FGF3: variants seen among roughly 807,000 people sequenced by gnomAD.
The protein encoded by FGF3 is fibroblast growth factor 3.
FGF3 carries 7 observed loss-of-function variants against 9.8 expected under a neutral mutation model. The observed-to-expected ratio is 0.72, with a 90% confidence interval of 0.41 to 1.35. FGF3 has a LOEUF of 1.35. FGF3 is among the 40% of genes most tolerant of loss of function. FGF3 has a pLI of 0.01. For missense variants in FGF3, 390 were observed against 345.6 expected (o/e 1.13, Z -1.02); for synonymous variants, 173 against 157.2 (o/e 1.10, Z -0.75).
chr11:69,813,290 G>A (rs1554980625), intron 2 of FGF3, among the ~76,000 whole-genome samples: 1 of 152,148 alleles, frequency 6.6e-6, no homozygotes, highest in Non-Finnish European at 1.5e-5. Context: ...GAGAGTTGAG[G>A]GGGCTTCCGG....
At position 69,814,258 on chromosome 11, in the gene FGF3, C is replaced by A. The variant is rs115500553; in HGVS notation, c.324+2062G>T. Among the ~76,000 whole-genome samples the A allele has an allele frequency of 5.9e-3, 896 of 151,906 alleles. 6 individuals carry two copies. The highest frequency in any genetic ancestry group is 0.021 in the African/African-American group (850 of 41,372). ...TTAAGGCGTGCTCTCAGGGATGAGGCAGAGGGAGGTGAGGTGTGTGGGCTG... is the reference window on the plus strand; with the variant it reads ...TTAAGGCGTGCTCTCAGGGATGAGGAAGAGGGAGGTGAGGTGTGTGGGCTG... On this transcript the variant is annotated intron_variant, in intron 2 of 2. Coordinates refer to ENST00000334134, the MANE Select transcript of FGF3 (RefSeq NM_005247.4).
chr11:69,815,399 C>A (rs1274652811), intron 2 of FGF3, among the ~76,000 whole-genome samples: 1 of 152,046 alleles, frequency 6.6e-6, no homozygotes, highest in African/African-American at 2.4e-5. Context: ...AGCCTCTGGA[C>A]CAGAGAAAAT....
At chr11:69,817,024 A>G (rs1195460942) in intron 1 of FGF3, among the ~76,000 whole-genome samples, 3 of 152,220 alleles carry the variant, frequency 2.0e-5, no homozygotes, top group Non-Finnish European at 4.4e-5. Context: ...CTGGAAGGGC[A>G]GGAAGCCAGT....
intron 1 of FGF3, among the ~76,000 whole-genome samples, chr11:69,817,934 T>C (rs528812477): frequency 1.2e-3 from 177 of 152,240 alleles, no homozygotes; most frequent in African/African-American, 4.2e-3. Context: ...GGGCCGCGGG[T>C]CCTGCGTGCG....
Position 69,810,620 on chromosome 11 carries a change from C to T in FGF3, c.405G>A (p.Arg135=), listed in dbSNP as rs1554980370. ...GGGCCCCAGGCGTACTAGACACCGTCCGGTACAGCCGGGAGGCATACGTAT... is the reference window on the plus strand; with the variant it reads ...GGGCCCCAGGCGTACTAGACACCGTTCGGTACAGCCGGGAGGCATACGTAT... ...GYNTYASRLY[R]TVSSTPGARR... Residue 135 remains arginine (R), a synonymous_variant, in exon 3 of 3, where the codon CGG becomes CGA. Coordinates refer to ENST00000334134, the MANE Select transcript of FGF3 (RefSeq NM_005247.4). 3.7e-6 allele frequency: 6 copies of T among 1,606,158 alleles called. No individual in the cohort carries two copies. The Admixed American group carries it at 1.0e-4, about 27-fold the overall frequency.
Position 69,810,334 on chromosome 11 carries a change from C to T in FGF3, c.691G>A (p.Gly231Ser). ...TGCGCACTGGCCTCCAGCTGGGAGC[C>T]CAGTCTCGAAGCCTGAACGTGAGAG... Reference protein sequence around the residue: ...EPSHVQASRLGSQLEASAH With the variant: ...EPSHVQASRLSSQLEASAH Residue 231 changes from glycine (G) to serine (S), a missense_variant, in exon 3 of 3, where the codon GGC (glycine) becomes AGC (serine). By Grantham distance (56) the Gly-to-Ser change is moderately conservative. Coordinates refer to ENST00000334134, the MANE Select transcript of FGF3 (RefSeq NM_005247.4). 1 of 1,568,534 alleles carries T rather than the reference C, an allele frequency of 6.4e-7. No individual in the cohort carries two copies. Among genetic ancestry groups the T allele is most frequent in the Non-Finnish European group, 8.7e-7 (1 of 1,151,752 alleles).
chr11:69,817,263 G>A lies in FGF3; in HGVS notation c.221-840C>T, dbSNP rs181817070. 5.3e-5 allele frequency among the ~76,000 whole-genome samples: 8 copies of A among 152,340 alleles called. No individual in the cohort carries two copies. In the South Asian group the frequency reaches 6.2e-4, roughly 12 times the overall value. ...ACCCTCTCCAAGGCATGCCTCTCAG[G>A]AGCGCCCTCCTGGCACGCGGTCCGA... On this transcript the variant is annotated intron_variant, in intron 1 of 2. Transcript: ENST00000334134.
At position 69,810,142 on chromosome 11, in the gene FGF3, G is replaced by T; in HGVS notation, c.*163C>A. ...CAGCCCCCTCCGAGCTCCGACTTGG[G>T]CCCTCTTCAGTTCCCACTGGACCCT... On this transcript the variant is annotated 3_prime_UTR_variant, in exon 3 of 3. Transcript: ENST00000334134. 1 of 675,886 alleles carries T rather than the reference G, an allele frequency of 1.5e-6. No individual in the cohort carries two copies. The highest frequency in any genetic ancestry group is 2.4e-6 in the Non-Finnish European group (1 of 422,538). 41.9% of individuals were successfully genotyped at this position (675,886 alleles called of 1,614,324 possible). A position where few individuals can be genotyped will look rare whatever the true frequency, so the allele number is the denominator to read the frequency against.
intron 1 of FGF3, among the ~76,000 whole-genome samples, chr11:69,817,850 C>A (rs1479193299): frequency 6.6e-6 from 1 of 152,194 alleles, no homozygotes; most frequent in Non-Finnish European, 1.5e-5. Flanking sequence ...AAGGGCTCGG[C>A]GCGGGCCTCA....
In FGF3 at chr11:69,816,415, C is replaced by G; in HGVS notation, c.229G>C (p.Glu77Gln). Reference sequence around the variant, plus strand: ...ATGCCCACCTCCACTGCCGTTATCTCCAAAATACCTAGAAGAAATGAGAGG... The same window carrying G: ...ATGCCCACCTCCACTGCCGTTATCTGCAAAATACCTAGAAGAAATGAGAGG... ...SLENSAYSILEITAVEVGIVA... is the reference protein window; with the variant it reads ...SLENSAYSILQITAVEVGIVA... The change falls in exon 2 of 3, where the codon GAG becomes CAG. Residue 77 changes from glutamate (E) to glutamine (Q), a missense_variant. Glu to Gln is a conservative substitution (Grantham distance 29). Coordinates refer to ENST00000334134, the MANE Select transcript of FGF3 (RefSeq NM_005247.4). The G allele has an allele frequency of 6.2e-7, 1 of 1,613,394 alleles. No individual in the cohort carries two copies. The highest frequency in any genetic ancestry group is 1.1e-5 in the South Asian group (1 of 91,074).
chr11:69,812,666 C>A (rs1455792361), intron 2 of FGF3, among the ~76,000 whole-genome samples: 1 of 152,104 alleles, frequency 6.6e-6, no homozygotes, highest in Non-Finnish European at 1.5e-5. Context: ...ACTTCCCCAC[C>A]CCACACACTG....
chr11:69,811,081 G>T (rs1856023168), intron 2 of FGF3, among the ~76,000 whole-genome samples: 1 of 152,252 alleles, frequency 6.6e-6, no homozygotes, highest in Non-Finnish European at 1.5e-5. Context: ...CTGGCAGTCT[G>T]CTGGCAGTGT....
In FGF3 at chr11:69,816,353, C is replaced by T. The variant is rs1554981079; in HGVS notation, c.291G>A (p.Leu97=). 5.0e-6 allele frequency: 8 copies of T among 1,614,120 alleles called. No homozygotes were observed. Among genetic ancestry groups the T allele is most frequent in the Non-Finnish European group, 5.9e-6 (7 of 1,179,980 alleles). ...AGAGTCGTCCCCTCTTGTTCATGGC[C>T]AGGTACCGCCCGGAGAAGAGACCCC... The part of the protein sequence containing the change: ...AIRGLFSGRY[L]AMNKRGRLYA... The change falls in exon 2 of 3, where the codon CTG becomes CTA. Residue 97 remains leucine, a synonymous_variant. Transcript: ENST00000334134.
Position 69,810,178 on chromosome 11 carries a change from G to A in FGF3, c.*127C>T. 1.0e-6 allele frequency: 1 copy of A among 957,154 alleles called. No individual in the cohort carries two copies. Among genetic ancestry groups the A allele is most frequent in the Non-Finnish European group, 1.5e-6 (1 of 664,108 alleles). 59.3% of individuals were successfully genotyped at this position (957,154 alleles called of 1,614,324 possible). On this transcript the variant is annotated 3_prime_UTR_variant, in exon 3 of 3. Transcript: ENST00000334134. ...TTCCCACTGGACCCTGATTTGAGCT[G>A]GCTCTGGAAATAGCTGAGAACCCAG...
At chr11:69,811,085 G>A (rs1260109631) in intron 2 of FGF3, among the ~76,000 whole-genome samples, 2 of 152,228 alleles carry the variant, frequency 1.3e-5, no homozygotes, top group Admixed American at 6.5e-5. Context: ...CAGTCTGCTG[G>A]CAGTGTGGAG....
At position 69,810,291 on chromosome 11, in the gene FGF3, G is replaced by T; in HGVS notation, c.*14C>A. On this transcript the variant is annotated 3_prime_UTR_variant, in exon 3 of 3. Transcript: ENST00000334134. ...GATGTCGCCAGGAGCTCTGGCGGTG[G>T]CCACCAGGCCCAGCTAGTGCGCACT... 6.5e-7 allele frequency: 1 copy of T among 1,546,382 alleles called. No individual in the cohort carries two copies.
chr11:69,810,533 G>A lies in FGF3; in HGVS notation c.492C>T (p.Arg164=). 2 of 1,611,812 alleles carry A rather than the reference G, an allele frequency of 1.2e-6. No homozygotes were observed. The highest frequency in any genetic ancestry group is 1.1e-5 in the South Asian group (1 of 90,984). The change falls in exon 3 of 3, where the codon CGC becomes CGT. Residue 164 remains arginine, a synonymous_variant. Coordinates refer to ENST00000334134, the MANE Select transcript of FGF3 (RefSeq NM_005247.4). ...GTGTGCGGCGGGTCTTGAAGCCCCT[G>A]CGGGGCCGGCCCTTGCCGTTCACAG... ...YVSVNGKGRP[R]RGFKTRRTQK... is the part of the protein sequence containing the mutation.
chr11:69,810,688 C>T lies in FGF3; in HGVS notation c.337G>A (p.Ala113Thr), dbSNP rs781938977. The T allele has an allele frequency of 7.6e-6, 12 of 1,586,228 alleles. No individual in the cohort carries two copies. Among genetic ancestry groups the T allele is most frequent in the South Asian group, 2.3e-5 (2 of 87,938 alleles). ...GRLYASEHYS[A>T]ECEFVERIHE... ...ATCCGCTCCACAAACTCGCACTCGG[C>T]GCTGTAGTGCTCCTGCGGGGATGAG... The change falls in exon 3 of 3, where the codon GCC becomes ACC. Residue 113 changes from alanine to threonine, a missense_variant. By Grantham distance (58) the Ala-to-Thr change is moderately conservative. Coordinates refer to ENST00000334134, the MANE Select transcript of FGF3 (RefSeq NM_005247.4).
At chr11:69,815,507 T>G (rs1554981002) in intron 2 of FGF3, among the ~76,000 whole-genome samples, 33 of 152,180 alleles carry the variant, frequency 2.2e-4, no homozygotes, top group Non-Finnish European at 1.5e-5. Flanking sequence ...CTGCGGGATG[T>G]GTCCTCTGTG....
Sources: allele counts gnomAD v4.1 joint callset (sites outside exome capture counted in the v4.1 genomes callset), GRCh38; gene constraint gnomAD v4.1.1; transcripts MANE v1.5; gene names NCBI Gene and HGNC (gene_info 2026-07-23, HGNC 2026-07-21).